The following IFT57 variants were observed in gnomAD, a reference collection of about 807,000 sequenced individuals.
The protein encoded by IFT57 is intraflagellar transport 57.
IFT57 carries 59 observed loss-of-function variants against 56.8 expected under a neutral mutation model. That is an observed-to-expected ratio of 1.04 (90% CI 0.84 to 1.29). The LOEUF (loss-of-function observed/expected upper bound fraction) is 1.29, where lower values mean the gene tolerates loss of function less well. IFT57 is among the 50% of genes most tolerant of loss of function. The pLI is 0.00. For missense variants in IFT57, 470 were observed against 522.1 expected (o/e 0.90, Z 0.97); for synonymous variants, 209 against 186.1 (o/e 1.12, Z -1.00).
intron 5 of IFT57, among the ~76,000 whole-genome samples, chr3:108,206,195 C>T (rs571890402): frequency 1.8e-4 from 26 of 147,684 alleles, no homozygotes; most frequent in African/African-American, 4.5e-4. Flanking sequence ...TTAAAACAGA[C>T]TTAAAGCAAT....
At chr3:108,193,238 T>C (rs1227012487) in intron 5 of IFT57, among the ~76,000 whole-genome samples, 1 of 152,206 alleles carries the variant, frequency 6.6e-6, no homozygotes, top group East Asian at 1.9e-4. Flanking sequence ...TGTATTTTTG[T>C]GGGAGACTGA....
At chr3:108,179,015 T>C (rs1052044018) in intron 6 of IFT57, among the ~76,000 whole-genome samples, 3 of 151,920 alleles carry the variant, frequency 2.0e-5, no homozygotes, top group South Asian at 2.1e-4. Flanking sequence ...AGTCCCAAAC[T>C]GGAAATAACT....
In IFT57 at chr3:108,222,094, G is replaced by A; in HGVS notation, c.212+17C>T. On this transcript the variant is annotated intron_variant, in intron 1 of 10. Coordinates refer to ENST00000264538, the MANE Select transcript of IFT57 (RefSeq NM_018010.4). ...GGGCTAGCAGGCACCCGGGCGCTCGGGGACGCCGGCACCCACCTGGACGGG... is the reference window on the plus strand; with the variant it reads ...GGGCTAGCAGGCACCCGGGCGCTCGAGGACGCCGGCACCCACCTGGACGGG... 6.3e-7 allele frequency: 1 copy of A among 1,576,556 alleles called. No homozygotes were observed. Among genetic ancestry groups the A allele is most frequent in the Non-Finnish European group, 8.6e-7 (1 of 1,162,432 alleles).
chr3:108,216,133 C>A (rs182936616), intron 3 of IFT57, among the ~76,000 whole-genome samples: 1 of 151,936 alleles, frequency 6.6e-6, no homozygotes, highest in Non-Finnish European at 1.5e-5. Context: ...TAAACAAATG[C>A]GATTACATCA....
Position 108,219,584 on chromosome 3 carries a change from C to T in IFT57, c.213-12G>A, listed in dbSNP as rs1485743016. 6.2e-7 allele frequency: 1 copy of T among 1,611,726 alleles called. No homozygotes were observed. Among genetic ancestry groups the T allele is most frequent in the Non-Finnish European group, 8.5e-7 (1 of 1,178,060 alleles). Reference sequence around the variant, plus strand: ...GTGCAAAATAGTGTCTGTTTCAAAACAAGGAGGAATGGGGGCGGATGTGAA... The same window carrying T: ...GTGCAAAATAGTGTCTGTTTCAAAATAAGGAGGAATGGGGGCGGATGTGAA... On this transcript the variant is annotated splice_polypyrimidine_tract_variant and intron_variant, in intron 1 of 10. Transcript: ENST00000264538.
intron 6 of IFT57, among the ~76,000 whole-genome samples, chr3:108,187,580 T>A (rs2080191095): frequency 6.7e-6 from 1 of 149,082 alleles, no homozygotes; most frequent in African/African-American, 2.5e-5. Context: ...CTTGTTTTCA[T>A]GTAAGTTAAA....
rs2080214090 is a variant in IFT57, at chr3:108,191,402, C to T, written c.777+119G>A. 1.5e-5 allele frequency: 9 copies of T among 584,094 alleles called. 1 individual carries two copies. In the East Asian group the frequency reaches 2.5e-4, roughly 16 times the overall value. 36.2% of individuals were successfully genotyped at this position (584,094 alleles called of 1,614,324 possible). ...GTTAAATCCTTATTAAGACAAAATG[C>T]TGAAAACTGAATCCTACTGCCCTTC... On this transcript the variant is annotated intron_variant, in intron 6 of 10. Coordinates refer to ENST00000264538, the MANE Select transcript of IFT57 (RefSeq NM_018010.4).
At chr3:108,192,105 G>C (rs1321603573) in intron 5 of IFT57, among the ~76,000 whole-genome samples, 1 of 150,066 alleles carries the variant, frequency 6.7e-6, no homozygotes, top group East Asian at 2.0e-4. Context: ...CCGGGAGGCG[G>C]AGCTTGCAGT....
intron 7 of IFT57, 110 bp from the exon 8 acceptor site, chr3:108,167,095 G>T: frequency 1.1e-6 from 1 of 924,860 alleles, no homozygotes; most frequent in Non-Finnish European, 1.6e-6. Flanking sequence ...AACTACATGT[G>T]CAAAAGAAGA....
chr3:108,199,195 C>T (rs2080263222), intron 5 of IFT57, among the ~76,000 whole-genome samples: 1 of 151,848 alleles, frequency 6.6e-6, no homozygotes, highest in Non-Finnish European at 1.5e-5. Flanking sequence ...TAAAAAAACC[C>T]ACGGAACATA....
intron 6 of IFT57, among the ~76,000 whole-genome samples, chr3:108,168,691 G>A (rs1240657675): frequency 6.6e-6 from 1 of 151,862 alleles, no homozygotes; most frequent in East Asian, 1.9e-4. Flanking sequence ...TCCCTTCCCT[G>A]TGTTCATGTG....
rs1048954746 is a variant in IFT57, at chr3:108,162,520, A to G, written c.1247T>C (p.Met416Thr). The change falls in exon 11 of 11, where the codon ATG becomes ACG. Residue 416 changes from methionine to threonine, a missense_variant. Transcript: ENST00000264538. ...TGGTTCTGGAATAACTGTGGCATGC[A>G]TGTTCCTAGTCATGTTGGACTTCTC... ...LKEKSNMTRN[M>T]HATVIPEPAT... is the part of the protein sequence containing the mutation. 4.3e-6 allele frequency: 7 copies of G among 1,610,628 alleles called. No homozygotes were observed. The highest frequency in any genetic ancestry group is 1.3e-5 in the African/African-American group (1 of 74,804).
At chr3:108,195,466 G>A (rs35798995) in intron 5 of IFT57, among the ~76,000 whole-genome samples, 36,000 of 151,984 alleles carry the variant, frequency 0.24, 5,861 homozygotes, top group Non-Finnish European at 0.34. Flanking sequence ...ATGCTGCTGC[G>A]GAGCATATAC....
chr3:108,197,349 G>A (rs1371728276), intron 5 of IFT57, among the ~76,000 whole-genome samples: 2 of 152,172 alleles, frequency 1.3e-5, no homozygotes, highest in Non-Finnish European at 2.9e-5. Flanking sequence ...GTTAATGGGA[G>A]TAATAATTGG....
intron 3 of IFT57, among the ~76,000 whole-genome samples, chr3:108,216,620 C>G (rs2080374415): frequency 6.6e-6 from 1 of 152,204 alleles, no homozygotes; most frequent in Non-Finnish European, 1.5e-5. Flanking sequence ...AACAATCCCA[C>G]TACTGATGAT....
At chr3:108,163,538 G>T in intron 10 of IFT57, 125 bp downstream of exon 10, 2 of 652,244 alleles carry the variant, frequency 3.1e-6, no homozygotes, top group Non-Finnish European at 2.7e-6. Flanking sequence ...TTTGTACAAT[G>T]AATCTCTCTT....
Position 108,218,635 on chromosome 3 carries a change from G to A in IFT57, c.394C>T (p.Pro132Ser). Residue 132 changes from proline to serine, a missense_variant, in exon 3 of 11, where the codon CCT (proline) becomes TCT (serine). Pro to Ser is a moderately conservative substitution (Grantham distance 74). Transcript: ENST00000264538. ...TAACCTGACTTTAATTTTGAAGGAG[G>A]AAAATCTGCAGTTCTTCCCTGAAAA... Reference protein sequence around the residue: ...LRSFGRTADFPPSKLKSGYGE... With the variant: ...LRSFGRTADFSPSKLKSGYGE... 1 of 1,513,952 alleles carries A rather than the reference G, an allele frequency of 6.6e-7. No homozygotes were observed. The highest frequency in any genetic ancestry group is 8.9e-7 in the Non-Finnish European group (1 of 1,126,244). 93.8% of individuals were successfully genotyped at this position (1,513,952 alleles called of 1,614,324 possible). A position where few individuals can be genotyped will look rare whatever the true frequency, so the allele number is the denominator to read the frequency against.
In IFT57 at chr3:108,218,566, C is replaced by T. The variant is rs770744325; in HGVS notation, c.463G>A (p.Ala155Thr). 2.2e-5 allele frequency: 34 copies of T among 1,556,486 alleles called. No homozygotes were observed. Among genetic ancestry groups the T allele is most frequent in the African/African-American group, 2.8e-5 (2 of 71,500 alleles). Residue 155 changes from alanine (A) to threonine (T), a missense_variant, in exon 3 of 11, where the codon GCA (alanine) becomes ACA (threonine). By Grantham distance (58) the Ala-to-Thr change is moderately conservative. Coordinates refer to ENST00000264538, the MANE Select transcript of IFT57 (RefSeq NM_018010.4). Reference protein sequence around the residue: ...CYVLDCFAEEALKYIGFTWKR... With the variant: ...CYVLDCFAEETLKYIGFTWKR... The stretch of plus-strand genomic sequence containing the variant: ...CAGGTGAAACCAATATATTTCAATG[C>T]TTCTTCAGCGAAGCAATCAAGAACA...
At chr3:108,204,823 C>T (rs2080300657) in intron 5 of IFT57, among the ~76,000 whole-genome samples, 1 of 152,138 alleles carries the variant, frequency 6.6e-6, no homozygotes, top group African/African-American at 2.4e-5. Flanking sequence ...GACTTATTAG[C>T]TTCTTAAAAG....
Sources: allele counts gnomAD v4.1 joint callset (sites outside exome capture counted in the v4.1 genomes callset), GRCh38; gene constraint gnomAD v4.1.1; transcripts MANE v1.5; gene names NCBI Gene and HGNC (gene_info 2026-07-23, HGNC 2026-07-21).